SLC6A16: variants seen among roughly 807,000 people sequenced by gnomAD.
SLC6A16 encodes the protein orphan sodium- and chloride-dependent neurotransmitter transporter NTT5.
A neutral mutation model predicts 65.4 loss-of-function variants in SLC6A16; 54 were observed. That is an observed-to-expected ratio of 0.83 (90% CI 0.66 to 1.04). The LOEUF is 1.04. SLC6A16 is among the 50% of genes least tolerant of loss of function. SLC6A16 has a pLI of 0.00. For synonymous variants in SLC6A16, 330 were observed against 346.5 expected (o/e 0.95, Z 0.53); for missense variants, 816 against 914.0 (o/e 0.89, Z 1.38).
In SLC6A16 at chr19:49,309,022, G is replaced by T; in HGVS notation, c.1083C>A (p.Ala361=). The change falls in exon 7 of 12, where the codon GCC becomes GCA. Residue 361 remains alanine (A), a synonymous_variant. Transcript: ENST00000335875. ...AGTTGTTGGACTGGGGCATGTAGGA[G>T]GCTAAGGAGGCAACGGAGCCAAGGC... The part of the protein sequence containing the change: ...GIGLGSVASL[A]SYMPQSNNCL... The T allele has an allele frequency of 6.2e-7, 1 of 1,614,156 alleles. No individual in the cohort carries two copies. Among genetic ancestry groups the T allele is most frequent in the Middle Eastern group, 1.6e-4 (1 of 6,062 alleles).
intron 7 of SLC6A16, among the ~76,000 whole-genome samples, chr19:49,301,423 C>T (rs1376825720): frequency 6.6e-6 from 1 of 152,210 alleles, no homozygotes; most frequent in Admixed American, 6.5e-5. Flanking sequence ...TCAGTATCAG[C>T]CATGCTGGTG....
intron 2 of SLC6A16, 121 bp downstream of exon 2, chr19:49,310,812 C>G (rs1355504615): frequency 1.7e-5 from 14 of 842,972 alleles, no homozygotes; most frequent in Non-Finnish European, 2.5e-5. Flanking sequence ...GGCTCCTATC[C>G]TGCTCAGAGC....
intron 7 of SLC6A16, among the ~76,000 whole-genome samples, chr19:49,304,031 G>A (rs868277251): frequency 1.3e-5 from 2 of 152,316 alleles, no homozygotes; most frequent in Middle Eastern, 3.4e-3. Flanking sequence ...CTGACTCCAA[G>A]TCACCCATCA....
At chr19:49,331,750 C>T in the SLC6A16 span, 1 of 457,302 alleles carries the variant, frequency 2.2e-6, no homozygotes, top group South Asian at 1.5e-5. Flanking sequence ...GTCCCTTCTG[C>T]ACCCATTCCA....
At chr19:49,305,758 T>C (rs1268238070) in intron 7 of SLC6A16, 1 of 152,172 alleles carries the variant, frequency 6.6e-6, no homozygotes, top group East Asian at 1.9e-4. Context: ...TAAATCATTG[T>C]TGTTTTAATC....
Position 49,309,051 on chromosome 19 carries a change from T to C in SLC6A16, c.1054A>G (p.Ile352Val). 6.2e-7 allele frequency: 1 copy of C among 1,614,218 alleles called. No homozygotes were observed. Among genetic ancestry groups the C allele is most frequent in the Non-Finnish European group, 8.5e-7 (1 of 1,180,028 alleles). Reference protein sequence around the residue: ...AGGQVLSNTGIGLGSVASLAS... With the variant: ...AGGQVLSNTGVGLGSVASLAS... Reference sequence around the variant, plus strand: ...AAGGAGGCAACGGAGCCAAGGCCTATGCCTGTGTTAGACAAAACTTGACCC... The same window carrying C: ...AAGGAGGCAACGGAGCCAAGGCCTACGCCTGTGTTAGACAAAACTTGACCC... Residue 352 changes from isoleucine (I) to valine (V), a missense_variant, in exon 7 of 12, where the codon ATA (isoleucine) becomes GTA (valine). Transcript: ENST00000335875.
intron 1 of SLC6A16, among the ~76,000 whole-genome samples, chr19:49,314,365 G>T (rs1180821339): frequency 1.3e-5 from 2 of 152,062 alleles, no homozygotes; most frequent in East Asian, 3.9e-4. Flanking sequence ...AAATGTACAA[G>T]GAACGATGAA....
At chr19:49,337,050 T>A in the SLC6A16 span, 2 of 1,613,166 alleles carry the variant, frequency 1.2e-6, no homozygotes, top group Non-Finnish European at 8.5e-7. Context: ...GCACCATCCC[T>A]CTCCGTCCCT....
the SLC6A16 span, chr19:49,337,693 A>G: frequency 6.5e-7 from 1 of 1,529,700 alleles, no homozygotes; most frequent in Non-Finnish European, 8.8e-7. Context: ...CACGGGAAAA[A>G]GAGAGAACAA....
chr19:49,337,981 C>T, the SLC6A16 span: 324 of 1,614,106 alleles, frequency 2.0e-4, no homozygotes, highest in Non-Finnish European at 2.5e-4. Flanking sequence ...ACGGCACCAA[C>T]CCCGAGGAGA....
intron 6 of SLC6A16, 72 bp downstream of exon 6, chr19:49,309,229 A>C: frequency 6.4e-7 from 1 of 1,574,540 alleles, no homozygotes. Flanking sequence ...AGAATGGGGA[A>C]AGGAAGCTCT....
intron 7 of SLC6A16, chr19:49,308,654 T>A (rs1970442198): frequency 1.7e-6 from 1 of 585,004 alleles, no homozygotes; most frequent in African/African-American, 1.9e-5. Context: ...AATCTCTGAG[T>A]TTGAAGATTT....
intron 7 of SLC6A16, among the ~76,000 whole-genome samples, chr19:49,306,978 C>A (rs1970401632): frequency 6.7e-6 from 1 of 148,566 alleles, no homozygotes; most frequent in South Asian, 2.1e-4. Flanking sequence ...CAGAGAGCAT[C>A]TAGGGTTATT....
intron 7 of SLC6A16, among the ~76,000 whole-genome samples, chr19:49,305,237 G>A (rs890871609): frequency 8.5e-5 from 13 of 152,192 alleles, no homozygotes; most frequent in African/African-American, 2.9e-4. Flanking sequence ...GAAGAGAGCA[G>A]CCCTTGCTGG....
chr19:49,339,186 C>T, the SLC6A16 span: 3 of 758,284 alleles, frequency 4.0e-6, no homozygotes, highest in Non-Finnish European at 4.5e-6. The surrounding 1 kb of genome is among the most constrained non-coding windows in gnomAD (Gnocchi z 4.5). Flanking sequence ...AGCGAGGGTG[C>T]ACTAGTAAGG....
At chr19:49,296,985 T>C (rs1457883055) in intron 7 of SLC6A16, among the ~76,000 whole-genome samples, 2 of 152,060 alleles carry the variant, frequency 1.3e-5, no homozygotes, top group Admixed American at 1.3e-4. Flanking sequence ...TGAGACCCTA[T>C]CTCAAAAAAT....
the SLC6A16 span, among the ~76,000 whole-genome samples, chr19:49,330,979 A>T: frequency 6.6e-6 from 1 of 151,596 alleles, no homozygotes; most frequent in African/African-American, 2.4e-5. Context: ...GCCCGCCCCC[A>T]GAGTTTCTGA....
At position 49,296,933 on chromosome 19, in the gene SLC6A16, G is replaced by A. The variant is rs151226898; in HGVS notation, c.1230-2380C>T. On this transcript the variant is annotated intron_variant, in intron 7 of 11. Transcript: ENST00000335875. ...GAGCCTGGGAGGCAGAGGCTGCAGT[G>A]AGCCAAGATCGTGCCACTGCACTCC... Among the ~76,000 whole-genome samples, 778 of 152,250 alleles carry A rather than the reference G, an allele frequency of 5.1e-3. 5 individuals are homozygous for A. Among genetic ancestry groups the A allele is most frequent in the African/African-American group, 0.018 (728 of 41,540 alleles).
the SLC6A16 span, chr19:49,337,968 A>G: frequency 1.2e-6 from 2 of 1,613,976 alleles, no homozygotes; most frequent in Non-Finnish European, 1.7e-6. Flanking sequence ...ACCATCCAAA[A>G]GTACGGCACC....
Sources: allele counts gnomAD v4.1 joint callset (sites outside exome capture counted in the v4.1 genomes callset), GRCh38; gene constraint gnomAD v4.1.1; non-coding constraint Gnocchi (gnomAD v3.1); transcripts MANE v1.5; gene names NCBI Gene and HGNC (gene_info 2026-07-23, HGNC 2026-07-21).